Variants in FOXO3 observed in about 807,000 individuals in gnomAD.
FOXO3 encodes forkhead box protein O3.
Under a neutral mutation model 41.9 loss-of-function variants are expected in FOXO3, and 4 were observed. The observed-to-expected ratio is 0.10, with a 90% confidence interval of 0.05 to 0.22. The LOEUF (loss-of-function observed/expected upper bound fraction) is 0.22, where lower values mean the gene tolerates loss of function less well. Ranked by LOEUF, FOXO3 falls within the 10% of genes least tolerant of loss-of-function variation. FOXO3 has a pLI of 1.00. For missense variants in FOXO3, 534 were observed against 906.8 expected (o/e 0.59, Z 5.28); for synonymous variants, 318 against 389.3 (o/e 0.82, Z 2.16).
intron 1 of FOXO3, among the ~76,000 whole-genome samples, chr6:108,587,033 ACTC>A (rs1776600811): frequency 6.7e-6 from 1 of 149,240 alleles, no homozygotes; most frequent in African/African-American, 2.5e-5. Context: ...CTGGTCTTGA[ACTC>A]CTGGGCTCAA....
intron 1 of FOXO3, among the ~76,000 whole-genome samples, chr6:108,579,478 T>C (rs1167555091): frequency 6.6e-6 from 1 of 152,164 alleles, no homozygotes; most frequent in Non-Finnish European, 1.5e-5. Flanking sequence ...TGAACAGCAT[T>C]CCAAATTGAA....
intron 1 of FOXO3, among the ~76,000 whole-genome samples, chr6:108,623,562 C>G (rs902076593): frequency 7.2e-5 from 11 of 152,110 alleles, no homozygotes; most frequent in Non-Finnish European, 1.6e-4. Flanking sequence ...CCTTGTCAGA[C>G]GTTTTGCTCC....
intron 1 of FOXO3, among the ~76,000 whole-genome samples, chr6:108,627,284 T>TG (rs1777837281): frequency 6.6e-6 from 1 of 151,942 alleles, no homozygotes; most frequent in Non-Finnish European, 1.5e-5. Flanking sequence ...GTAGTGGAAC[T>TG]GAGAGTGAGA....
At chr6:108,636,004 CA>C (rs1435913155) in intron 1 of FOXO3, among the ~76,000 whole-genome samples, 3 of 152,244 alleles carry the variant, frequency 2.0e-5, no homozygotes, top group Non-Finnish European at 4.4e-5. Context: ...GTAATCTTGT[CA>C]GTCTTCCCGC....
At chr6:108,640,768 GC>G (rs1778236399) in intron 1 of FOXO3, among the ~76,000 whole-genome samples, 1 of 151,968 alleles carries the variant, frequency 6.6e-6, no homozygotes, top group Non-Finnish European at 1.5e-5. Context: ...CTTTGATCTT[GC>G]CCTTTTATGT....
intron 2 of FOXO3, among the ~76,000 whole-genome samples, chr6:108,666,854 CGAT>C (rs901614568): frequency 3.9e-5 from 6 of 152,140 alleles, no homozygotes; most frequent in Non-Finnish European, 5.9e-5. Context: ...CTAGCCACCT[CGAT>C]GTTAACAGGT....
chr6:108,611,324 AT>A (rs1562243752), intron 1 of FOXO3, among the ~76,000 whole-genome samples: 1 of 152,188 alleles, frequency 6.6e-6, no homozygotes, highest in East Asian at 1.9e-4. Flanking sequence ...ACTGCTATTA[AT>A]ATCTATGTTC....
intron 1 of FOXO3, among the ~76,000 whole-genome samples, chr6:108,562,273 C>T (rs558472908): frequency 1.3e-5 from 2 of 151,882 alleles, no homozygotes; most frequent in Non-Finnish European, 2.9e-5. Context: ...TGTGTGGTTT[C>T]CAGTCTGTCG....
intron 1 of FOXO3, among the ~76,000 whole-genome samples, chr6:108,617,206 T>A (rs370212455): frequency 1.3e-5 from 2 of 152,332 alleles, no homozygotes. Context: ...GCCAAGTTGT[T>A]TTTTAAAGAA....
intron 1 of FOXO3, among the ~76,000 whole-genome samples, chr6:108,579,614 C>T (rs1776353462): frequency 6.6e-6 from 1 of 152,192 alleles, no homozygotes; most frequent in Admixed American, 6.5e-5. Flanking sequence ...TGTGTCAACA[C>T]ACGTCAGTTG....
In FOXO3 at chr6:108,664,062, G is replaced by T; in HGVS notation, c.1229G>T (p.Arg410Leu). 1.9e-6 allele frequency: 3 copies of T among 1,614,176 alleles called. No homozygotes were observed. Among genetic ancestry groups the T allele is most frequent in the Non-Finnish European group, 2.5e-6 (3 of 1,180,030 alleles). ...QPSPTGGLMQRSSSFPYTTKG... is the reference protein window; with the variant it reads ...QPSPTGGLMQLSSSFPYTTKG... ...TCGCCCACTGGGGGACTCATGCAGC[G>T]GAGCTCTAGCTTCCCGTATACCACC... The change falls in exon 2 of 3, where the codon CGG (arginine) becomes CTG (leucine). Residue 410 changes from arginine (R) to leucine (L), a missense_variant. Transcript: ENST00000406360.
intron 1 of FOXO3, among the ~76,000 whole-genome samples, chr6:108,588,169 A>G (rs1473365032): frequency 6.6e-6 from 1 of 152,236 alleles, no homozygotes; most frequent in Non-Finnish European, 1.5e-5. Context: ...ATCATCTTTA[A>G]GTTGATAAGT....
In FOXO3 at chr6:108,600,643, A is replaced by G. The variant is rs112916131; in HGVS notation, c.621+38814A>G. 6.6e-3 allele frequency among the ~76,000 whole-genome samples: 1,009 copies of G among 152,082 alleles called. 15 individuals are homozygous for G. The highest frequency in any genetic ancestry group is 0.023 in the African/African-American group (971 of 41,478). On this transcript the variant is annotated intron_variant, in intron 1 of 2. Transcript: ENST00000406360. Reference sequence around the variant, plus strand: ...AATGAAAACAACCTATAATTCTGCAATCAATTATTGTTAATTTTTTGTGTG... The same window carrying G: ...AATGAAAACAACCTATAATTCTGCAGTCAATTATTGTTAATTTTTTGTGTG...
rs1156923290 is a variant in FOXO3, at chr6:108,678,869, C to CTTT, written c.*35-938_*35-936dup. On this transcript the variant is annotated intron_variant, in intron 2 of 2. Transcript: ENST00000406360. ...ATAGCAAGACCCCATTTCTTAAATT[C>CTTT]TTTTTTTTTTTTTTTTTTTTTTGAG... 5.1e-4 allele frequency among the ~76,000 whole-genome samples: 28 copies of CTTT among 55,010 alleles called. 3 individuals carry two copies. Among genetic ancestry groups the CTTT allele is most frequent in the Non-Finnish European group, 4.3e-4 (10 of 23,304 alleles). 36.1% of individuals were successfully genotyped at this position (55,010 alleles called of 152,430 possible).
chr6:108,647,752 C>T (rs1196837394), intron 1 of FOXO3, among the ~76,000 whole-genome samples: 4 of 152,100 alleles, frequency 2.6e-5, no homozygotes, highest in African/African-American at 9.7e-5. Flanking sequence ...AAGAAAATAC[C>T]AATTTCCTCT....
intron 1 of FOXO3, among the ~76,000 whole-genome samples, chr6:108,587,701 C>T (rs987239571): frequency 5.3e-5 from 8 of 152,184 alleles, no homozygotes; most frequent in Non-Finnish European, 8.8e-5. Context: ...CCTGCTTTTG[C>T]ATTGTCATCA....
intron 1 of FOXO3, among the ~76,000 whole-genome samples, chr6:108,658,725 A>G (rs1778761770): frequency 6.6e-6 from 1 of 152,140 alleles, no homozygotes; most frequent in Non-Finnish European, 1.5e-5. Flanking sequence ...TGCCTGGCCA[A>G]CATTGGTTTG....
At chr6:108,603,025 T>A (rs1276878156) in intron 1 of FOXO3, among the ~76,000 whole-genome samples, 5 of 152,172 alleles carry the variant, frequency 3.3e-5, no homozygotes, top group Non-Finnish European at 5.9e-5. Context: ...GATTGAAAAT[T>A]ACTTTCTGGT....
chr6:108,626,111 G>C (rs1223238950), intron 1 of FOXO3, among the ~76,000 whole-genome samples: 4 of 152,206 alleles, frequency 2.6e-5, no homozygotes, highest in African/African-American at 9.6e-5. Context: ...GGGATGTCTA[G>C]AAAAGGCTAG....
Sources: allele counts gnomAD v4.1 joint callset (sites outside exome capture counted in the v4.1 genomes callset), GRCh38; gene constraint gnomAD v4.1.1; transcripts MANE v1.5; gene names NCBI Gene and HGNC (gene_info 2026-07-23, HGNC 2026-07-21).